Variants in PTRH1 observed in about 807,000 individuals in gnomAD.
PTRH1 encodes the protein peptidyl-tRNA hydrolase.
A neutral mutation model predicts 15.7 loss-of-function variants in PTRH1; 13 were observed. That is an observed-to-expected ratio of 0.83 (90% CI 0.54 to 1.31). The LOEUF (loss-of-function observed/expected upper bound fraction) is 1.31. PTRH1 is among the 40% of genes most tolerant of loss of function. The pLI is 0.00. For synonymous variants in PTRH1, 139 were observed against 136.7 expected (o/e 1.02, Z -0.12); for missense variants, 319 against 296.2 (o/e 1.08, Z -0.56).
chr9:127,703,684 G>A (rs955368225), intron 1 of PTRH1, among the ~76,000 whole-genome samples: 1 of 152,214 alleles, frequency 6.6e-6, no homozygotes, highest in African/African-American at 2.4e-5. Flanking sequence ...CAAACTGGGG[G>A]AGGGACCTAC....
At chr9:127,713,029 C>T (rs780510350), downstream of PTRH1, 6 of 1,613,354 alleles carry the variant, frequency 3.7e-6, no homozygotes, top group Middle Eastern at 1.6e-4. Flanking sequence ...GCCGGCCCAG[C>T]ATCCAGCTGC....
In PTRH1 at chr9:127,715,419, C is replaced by G. The variant is rs749912182; in HGVS notation, c.96+125G>C. 1.7e-5 allele frequency: 24 copies of G among 1,405,794 alleles called. No homozygotes were observed. The African/African-American group carries it at 2.1e-4, about 12-fold the overall frequency. 87.1% of individuals were successfully genotyped at this position (1,405,794 alleles called of 1,614,324 possible). On this transcript the variant is annotated intron_variant, in intron 1 of 4. Transcript: ENST00000543175. The surrounding 1 kb of genome is among the most constrained non-coding windows in gnomAD (Gnocchi z 5.8). ...GAGCTTCAAGAAGTTTGGAGCCCGT[C>G]GAGCACTGAACTCACCAGTTAAGAA...
chr9:127,713,008 C>G (rs1200781521), downstream of PTRH1: 2 of 1,611,114 alleles, frequency 1.2e-6, no homozygotes, highest in Non-Finnish European at 1.7e-6. Context: ...ACCCTCGGCC[C>G]CCTCCCCACA....
intron 1 of PTRH1, among the ~76,000 whole-genome samples, chr9:127,702,547 TA>T (rs1484608289): frequency 6.6e-6 from 1 of 151,884 alleles, no homozygotes; most frequent in Non-Finnish European, 1.5e-5. Context: ...AAAAAACAAA[TA>T]AACAAATAAA....
chr9:127,706,595 A>G (rs1000301801), intron 1 of PTRH1, among the ~76,000 whole-genome samples: 1 of 152,070 alleles, frequency 6.6e-6, no homozygotes, highest in Non-Finnish European at 1.5e-5. Flanking sequence ...CATCAGCTGG[A>G]CGCCCCAATG....
intron 1 of PTRH1, among the ~76,000 whole-genome samples, chr9:127,697,293 A>G (rs757608706): frequency 2.0e-5 from 3 of 152,236 alleles, no homozygotes; most frequent in Non-Finnish European, 2.9e-5. Flanking sequence ...AACCCAAACT[A>G]CAGAGACAGT....
downstream of PTRH1, chr9:127,713,294 C>T (rs1281970309): frequency 3.0e-6 from 3 of 1,009,646 alleles, no homozygotes; most frequent in Admixed American, 5.9e-5. Flanking sequence ...GCTGTGTGGC[C>T]CTGGGGATGT....
Position 127,715,559 on chromosome 9 carries a change from CG to C in PTRH1, c.80del (p.Pro27ArgfsTer69), listed in dbSNP as rs758395587. 1 of 1,613,508 alleles carries C rather than the reference CG, an allele frequency of 6.2e-7. No homozygotes were observed. The highest frequency in any genetic ancestry group is 1.1e-5 in the South Asian group (1 of 91,076). ...MSRCVLEPRP[P>X]GKRWMVAGLG... ...CGCCACTCACCATCCACCGCTTCCCCGGGGGGCGAGGCTCCAAAACACATCG... is the reference window on the plus strand; with the variant it reads ...CGCCACTCACCATCCACCGCTTCCCCGGGGGCGAGGCTCCAAAACACATCG... On this transcript the variant is annotated frameshift_variant, in exon 1 of 5. Transcript: ENST00000543175. LOFTEE classifies it high-confidence loss of function. The surrounding 1 kb of genome is among the most constrained non-coding windows in gnomAD (Gnocchi z 5.8).
chr9:127,695,157 T>C (rs777550602), intron 1 of PTRH1: 2 of 684,576 alleles, frequency 2.9e-6, no homozygotes, highest in African/African-American at 1.8e-5. Context: ...GAGAAAAGAA[T>C]AAATAGTCTC....
At chr9:127,708,345 C>T (rs560496024) in intron 1 of PTRH1, among the ~76,000 whole-genome samples, 46 of 152,026 alleles carry the variant, frequency 3.0e-4, no homozygotes, top group Non-Finnish European at 6.3e-4. Flanking sequence ...GGCATGGTGG[C>T]GGGCGCCTGT....
intron 1 of PTRH1, among the ~76,000 whole-genome samples, chr9:127,700,981 T>C (rs957526531): frequency 6.6e-6 from 1 of 152,224 alleles, no homozygotes; most frequent in Admixed American, 6.5e-5. Context: ...AATTGTAATA[T>C]ATTTAAATGC....
Position 127,714,285 on chromosome 9 carries a change from G to A in PTRH1, c.463-3C>T. ...CCCACCCGCAGCCTTGGCATTGCCTGTGGGAGAGCCAGAGAGGCCCAGGAA... is the reference window on the plus strand; with the variant it reads ...CCCACCCGCAGCCTTGGCATTGCCTATGGGAGAGCCAGAGAGGCCCAGGAA... On this transcript the variant is annotated splice_region_variant and splice_polypyrimidine_tract_variant and intron_variant, in intron 4 of 4. Transcript: ENST00000543175. 6.2e-7 allele frequency: 1 copy of A among 1,614,000 alleles called. No homozygotes were observed. The highest frequency in any genetic ancestry group is 8.5e-7 in the Non-Finnish European group (1 of 1,179,914).
chr9:127,714,104 G>A lies in PTRH1; in HGVS notation c.641C>T (p.Pro214Leu), dbSNP rs117880987. Residue 214 changes from proline to leucine, a missense_variant, in exon 5 of 5, where the codon CCG becomes CTG. By Grantham distance (98) the Pro-to-Leu change is moderately conservative. Coordinates refer to ENST00000543175, the MANE Select transcript of PTRH1 (RefSeq NM_001002913.3). The stretch of plus-strand genomic sequence containing the variant: ...AGGCAGCCATGGCCACTAGTGTCAC[G>A]GCCCCAGTGAGGGCCCCTGGCTTCG... The part of the protein sequence containing the change: ...RERSQGPSLG[P>L] 3,473 of 1,612,266 alleles carry A rather than the reference G, an allele frequency of 2.2e-3. 59 individuals carry two copies. In the Admixed American group the frequency reaches 0.037, roughly 17 times the overall value.
At chr9:127,713,329 A>G, downstream of PTRH1, 2 of 746,636 alleles carry the variant, frequency 2.7e-6, no homozygotes, top group South Asian at 2.2e-5. Context: ...GAGCCTTCCC[A>G]TCTGTAAAAT....
At chr9:127,709,139 C>T (rs550639839), downstream of PTRH1, among the ~76,000 whole-genome samples, 137 of 152,356 alleles carry the variant, frequency 9.0e-4, no homozygotes, top group Non-Finnish European at 1.5e-3. This position sits in a 1 kb window ranked among gnomAD's most constrained non-coding sequence, Gnocchi z 4.7. Context: ...TGCTATCTGC[C>T]AGGCACAGGT....
Position 127,715,212 on chromosome 9 carries a change from G to A in PTRH1, c.97-18C>T. Reference sequence around the variant, plus strand: ...CCAGCCACCTGCGGGCGGCACCAGGGAAACTGAGGCCCAACAACTCTCGCC... The same window carrying A: ...CCAGCCACCTGCGGGCGGCACCAGGAAAACTGAGGCCCAACAACTCTCGCC... On this transcript the variant is annotated intron_variant, in intron 1 of 4. Coordinates refer to ENST00000543175, the MANE Select transcript of PTRH1 (RefSeq NM_001002913.3). The surrounding 1 kb of genome is among the most constrained non-coding windows in gnomAD (Gnocchi z 5.8). 6.5e-7 allele frequency: 1 copy of A among 1,526,892 alleles called. No individual in the cohort carries two copies. Among genetic ancestry groups the A allele is most frequent in the South Asian group, 1.2e-5 (1 of 83,688 alleles). 94.6% of individuals were successfully genotyped at this position (1,526,892 alleles called of 1,614,324 possible). A position where few individuals can be genotyped will look rare whatever the true frequency, so the allele number is the denominator to read the frequency against.
intron 1 of PTRH1, among the ~76,000 whole-genome samples, chr9:127,706,494 T>C (rs937554448): frequency 1.8e-4 from 27 of 151,900 alleles, no homozygotes; most frequent in Non-Finnish European, 3.8e-4. Context: ...CCTGGGCTGG[T>C]GGGGAACACA....
At chr9:127,707,030 C>A in intron 1 of PTRH1, 1 of 1,613,592 alleles carries the variant, frequency 6.2e-7, no homozygotes, top group African/African-American at 1.3e-5. Flanking sequence ...TTGCCATCAG[C>A]CATGGCTCCC....
chr9:127,714,913 C>A (rs1231671835), intron 2 of PTRH1, 62 bp downstream of exon 2: 1 of 745,074 alleles, frequency 1.3e-6, no homozygotes. Flanking sequence ...TCCCCTCTGG[C>A]CCCCGCGCCC....
Sources: gnomAD v4.1 joint callset for allele counts (sites outside exome capture counted in the v4.1 genomes callset) on GRCh38, gnomAD v4.1.1 for gene constraint, Gnocchi (gnomAD v3.1) non-coding constraint, MANE v1.5 for transcripts, NCBI Gene and HGNC (gene_info 2026-07-23, HGNC 2026-07-21) for gene names.